KCNQ1: variants seen among roughly 807,000 people sequenced by gnomAD.
KCNQ1 encodes the protein potassium voltage-gated channel subfamily Q member 1, also known as potassium voltage-gated channel subfamily KQT member 1.
KCNQ1 carries 49 observed loss-of-function variants against 72.4 expected under a neutral mutation model. That is an observed-to-expected ratio of 0.68 (90% CI 0.54 to 0.86). KCNQ1 has a LOEUF of 0.86. KCNQ1 is among the 40% of genes least tolerant of loss of function. The pLI is 0.00. For missense variants in KCNQ1, 790 were observed against 945.1 expected (o/e 0.84, Z 2.15); for synonymous variants, 450 against 412.6 (o/e 1.09, Z -1.10).
At chr11:2,807,428 C>T (rs373825102) in intron 15 of KCNQ1, among the ~76,000 whole-genome samples, 2 of 152,230 alleles carry the variant, frequency 1.3e-5, no homozygotes, top group Non-Finnish European at 2.9e-5. Context: ...CGCCCGCGGT[C>T]GCTGCACTGG....
In KCNQ1 at chr11:2,528,653, T is replaced by C. The variant is rs1340101992; in HGVS notation, c.477+635T>C. Among the ~76,000 whole-genome samples, 8 of 152,360 alleles carry C rather than the reference T, an allele frequency of 5.3e-5. No individual in the cohort carries two copies. The South Asian group carries it at 1.7e-3, about 32-fold the overall frequency. On this transcript the variant is annotated intron_variant, in intron 2 of 15. Coordinates refer to ENST00000155840, the MANE Select transcript of KCNQ1 (RefSeq NM_000218.3). The stretch of plus-strand genomic sequence containing the variant: ...ACGGAAGCCACCTGAATGTGGGCCG[T>C]GAGCAGCAGGACTCTGGCAGGACTG...
At position 2,720,679 on chromosome 11, in the gene KCNQ1, G is replaced by A. The variant is rs1851187460; in HGVS notation, c.1515-48165G>A. On this transcript the variant is annotated intron_variant, in intron 11 of 15. Transcript: ENST00000155840. This position sits in a 1 kb window ranked among gnomAD's most constrained non-coding sequence, Gnocchi z 5.1. Reference sequence around the variant, plus strand: ...GGCCACTGAAACGGAAACAGCATTAGCCACCACCAGCCCCTTCCCCCTTTT... The same window carrying A: ...GGCCACTGAAACGGAAACAGCATTAACCACCACCAGCCCCTTCCCCCTTTT... Among the ~76,000 whole-genome samples the A allele has an allele frequency of 1.3e-5, 2 of 152,158 alleles. No individual in the cohort carries two copies. Among genetic ancestry groups the A allele is most frequent in the Non-Finnish European group, 2.9e-5 (2 of 68,030 alleles).
intron 11 of KCNQ1, among the ~76,000 whole-genome samples, chr11:2,733,342 G>T (rs1236916087): frequency 6.6e-6 from 1 of 151,742 alleles, no homozygotes. Flanking sequence ...CCCCACACTC[G>T]CCCTCCTTCA....
At chr11:2,732,557 G>C (rs754525515) in intron 11 of KCNQ1, among the ~76,000 whole-genome samples, 3 of 152,214 alleles carry the variant, frequency 2.0e-5, no homozygotes, top group Non-Finnish European at 4.4e-5. Flanking sequence ...GAGCGCAGGC[G>C]AATGTTACAG....
chr11:2,662,836 T>C, intron 11 of KCNQ1: 1 of 398,848 alleles, frequency 2.5e-6, no homozygotes, highest in Non-Finnish European at 4.4e-6. Context: ...TGAGGGTCAC[T>C]TGTGGAAACT....
At chr11:2,531,236 CCGTCTG>C (rs1847623720) in intron 2 of KCNQ1, among the ~76,000 whole-genome samples, 2 of 151,446 alleles carry the variant, frequency 1.3e-5, no homozygotes, top group African/African-American at 4.9e-5. Flanking sequence ...CTCCACATGC[CCGTCTG>C]CAGCTCGAGA....
In KCNQ1 at chr11:2,495,161, A is replaced by G. The variant is rs948322219; in HGVS notation, c.387-32767A>G. Among the ~76,000 whole-genome samples, 19 of 152,122 alleles carry G rather than the reference A, an allele frequency of 1.2e-4. No homozygotes were observed. Among genetic ancestry groups the G allele is most frequent in the African/African-American group, 4.1e-4 (17 of 41,510 alleles). Reference sequence around the variant, plus strand: ...TTAGTATTCTCTGATGGTAGTTTGTATTTCTGTGGGATCAGTGGTGATATC... The same window carrying G: ...TTAGTATTCTCTGATGGTAGTTTGTGTTTCTGTGGGATCAGTGGTGATATC... On this transcript the variant is annotated intron_variant, in intron 1 of 15. Coordinates refer to ENST00000155840, the MANE Select transcript of KCNQ1 (RefSeq NM_000218.3). The surrounding 1 kb of genome is among the most constrained non-coding windows in gnomAD (Gnocchi z 4.6).
At chr11:2,832,883 T>G (rs953801115) in intron 15 of KCNQ1, among the ~76,000 whole-genome samples, 17 of 152,044 alleles carry the variant, frequency 1.1e-4, no homozygotes. Context: ...CAGGGCTCCA[T>G]GGGGCAGAAG....
chr11:2,637,607 T>A (rs565600700), intron 10 of KCNQ1: 1 of 152,244 alleles, frequency 6.6e-6, no homozygotes, highest in African/African-American at 2.4e-5. Flanking sequence ...CTTCCAATTA[T>A]GTGGTCAATT....
Position 2,677,534 on chromosome 11 carries a change from A to G in KCNQ1, c.1514+15453A>G. 1 of 398,620 alleles carries G rather than the reference A, an allele frequency of 2.5e-6. No homozygotes were observed. Among genetic ancestry groups the G allele is most frequent in the Non-Finnish European group, 4.4e-6 (1 of 226,062 alleles). The allele number at this position is 398,620 out of a possible 1,614,324, so 24.7% of individuals were successfully genotyped here. On this transcript the variant is annotated intron_variant, in intron 11 of 15. Coordinates refer to ENST00000155840, the MANE Select transcript of KCNQ1 (RefSeq NM_000218.3). The surrounding 1 kb of genome is among the most constrained non-coding windows in gnomAD (Gnocchi z 4.5). ...GAAGTGCTGCCAACATCCTCTGCCA[A>G]GTATAAAAGATGCCCTCAGATGTTA...
chr11:2,671,385 G>C lies in KCNQ1; in HGVS notation c.1514+9304G>C, dbSNP rs148241046. On this transcript the variant is annotated intron_variant, in intron 11 of 15. Coordinates refer to ENST00000155840, the MANE Select transcript of KCNQ1 (RefSeq NM_000218.3). The surrounding 1 kb of genome is among the most constrained non-coding windows in gnomAD (Gnocchi z 4.7). ...TCCTGAAAAAGGTACAGGAACACCTGGCATGCCTCTCCCAGGGTACTCTGG... is the reference window on the plus strand; with the variant it reads ...TCCTGAAAAAGGTACAGGAACACCTCGCATGCCTCTCCCAGGGTACTCTGG... 2.7e-3 allele frequency: 1,093 copies of C among 398,532 alleles called. 12 individuals carry two copies. The highest frequency in any genetic ancestry group is 0.02 in the African/African-American group (960 of 48,706). The allele number at this position is 398,532 out of a possible 1,614,324, so 24.7% of individuals were successfully genotyped here. A position where few individuals can be genotyped will look rare whatever the true frequency, so the allele number is the denominator to read the frequency against.
rs1846207588 is a variant in KCNQ1, at chr11:2,750,269, C to G, written c.1515-18575C>G. Among the ~76,000 whole-genome samples, 1 of 152,198 alleles carries G rather than the reference C, an allele frequency of 6.6e-6. No homozygotes were observed. The highest frequency in any genetic ancestry group is 2.1e-4 in the South Asian group (1 of 4,832). Reference sequence around the variant, plus strand: ...GGAGGCTGAAACAGGACGACAGAGCCCTCAGCCCAGGGCGGAGGACATGGG... The same window carrying G: ...GGAGGCTGAAACAGGACGACAGAGCGCTCAGCCCAGGGCGGAGGACATGGG... On this transcript the variant is annotated intron_variant, in intron 11 of 15. Coordinates refer to ENST00000155840, the MANE Select transcript of KCNQ1 (RefSeq NM_000218.3). The surrounding 1 kb of genome is among the most constrained non-coding windows in gnomAD (Gnocchi z 6.3).
chr11:2,452,398 C>T (rs1368406702), intron 1 of KCNQ1, among the ~76,000 whole-genome samples: 2 of 152,212 alleles, frequency 1.3e-5, no homozygotes, highest in Non-Finnish European at 2.9e-5. Flanking sequence ...ACCCTGGGGC[C>T]AGGGGCTGTG....
rs1033254064 is a variant in KCNQ1 at position 2,769,885 on chromosome 11, C to T, written c.1590+966C>T. Among the ~76,000 whole-genome samples, 8 of 151,932 alleles carry T rather than the reference C, an allele frequency of 5.3e-5. No homozygotes were observed. Among genetic ancestry groups the T allele is most frequent in the African/African-American group, 1.9e-4 (8 of 41,346 alleles). ...TCATAAGGCACAGCCCAGGAAGGCT[C>T]AGCAATGTCCGCCGACCACCAGGAC... On this transcript the variant is annotated intron_variant, in intron 12 of 15. Transcript: ENST00000155840. The surrounding 1 kb of genome is among the most constrained non-coding windows in gnomAD (Gnocchi z 4.6).
chr11:2,844,197 T>C (rs2134090639), intron 15 of KCNQ1, among the ~76,000 whole-genome samples: 2 of 152,204 alleles, frequency 1.3e-5, no homozygotes. Flanking sequence ...CTGTGACAAG[T>C]GCTTGAGTCA....
rs1265240763 is a variant in KCNQ1 at position 2,762,691 on chromosome 11, A to AGAATCCT, written c.1515-6152_1515-6151insAATCCTG. ...AGTGGTGGCATTAGATTCTCGCAGG[A>AGAATCCT]GCGCGAACCCTGTTGTGAATGCACA... On this transcript the variant is annotated intron_variant, in intron 11 of 15. Transcript: ENST00000155840. This position sits in a 1 kb window ranked among gnomAD's most constrained non-coding sequence, Gnocchi z 4.3. Among the ~76,000 whole-genome samples, 1 of 152,198 alleles carries AGAATCCT rather than the reference A, an allele frequency of 6.6e-6. No individual in the cohort carries two copies.
Position 2,683,311 on chromosome 11 carries a change from A to T in KCNQ1, c.1514+21230A>T. The T allele has an allele frequency of 2.5e-6, 1 of 398,614 alleles. No individual in the cohort carries two copies. Among genetic ancestry groups the T allele is most frequent in the Non-Finnish European group, 4.4e-6 (1 of 226,046 alleles). 24.7% of individuals were successfully genotyped at this position (398,614 alleles called of 1,614,324 possible). ...TTTTAGTTTGCAAAACCAGACACAT[A>T]GAGGCCAGGTTTCCCCCGCTCAACA... is the stretch of plus-strand genomic sequence containing the variant. On this transcript the variant is annotated intron_variant, in intron 11 of 15. Coordinates refer to ENST00000155840, the MANE Select transcript of KCNQ1 (RefSeq NM_000218.3). The surrounding 1 kb of genome is among the most constrained non-coding windows in gnomAD (Gnocchi z 4.7).
At chr11:2,718,506 G>A (rs985462828) in intron 11 of KCNQ1, among the ~76,000 whole-genome samples, 1 of 152,214 alleles carries the variant, frequency 6.6e-6, no homozygotes. Flanking sequence ...CCAGGAATTG[G>A]CTTCCAGTGG....
chr11:2,630,449 CTTTG>C (rs1849334838), intron 10 of KCNQ1: 1 of 398,198 alleles, frequency 2.5e-6, no homozygotes, highest in East Asian at 3.6e-5. Context: ...ATTGTTCCCT[CTTTG>C]TTTGGGGGGA....
Sources: allele counts gnomAD v4.1 joint callset (sites outside exome capture counted in the v4.1 genomes callset), GRCh38; gene constraint gnomAD v4.1.1; non-coding constraint Gnocchi (gnomAD v3.1); transcripts MANE v1.5; gene names NCBI Gene and HGNC (gene_info 2026-07-23, HGNC 2026-07-21).